IGF2BP3: variants seen among roughly 807,000 people sequenced by gnomAD.
IGF2BP3 encodes the protein insulin like growth factor 2 mRNA binding protein 3.
IGF2BP3 carries 9 observed loss-of-function variants against 73.8 expected under a neutral mutation model. The observed-to-expected ratio is 0.12, with a 90% CI of 0.07 to 0.21. IGF2BP3 has a LOEUF of 0.21. Among genes scored for constraint, IGF2BP3 ranks in the 10% least tolerant of loss-of-function variants. IGF2BP3 has a pLI of 1.00. For synonymous variants in IGF2BP3, 258 were observed against 256.7 expected (o/e 1.01, Z -0.05); for missense variants, 542 against 714.0 (o/e 0.76, Z 2.75).
intron 2 of IGF2BP3, among the ~76,000 whole-genome samples, chr7:23,444,971 T>C (rs1313803685): frequency 6.6e-6 from 1 of 152,068 alleles, no homozygotes; most frequent in Non-Finnish European, 1.5e-5. Context: ...GGTGGAAGGA[T>C]TACTTCCATC....
chr7:23,341,661 CTG>C (rs1007435700), intron 10 of IGF2BP3, among the ~76,000 whole-genome samples: 16 of 151,786 alleles, frequency 1.1e-4, no homozygotes, highest in African/African-American at 3.9e-4. Flanking sequence ...AAGAGTGGGA[CTG>C]TGTCTCCAAA....
intron 5 of IGF2BP3, among the ~76,000 whole-genome samples, chr7:23,353,903 G>A (rs1014041139): frequency 3.9e-5 from 6 of 152,214 alleles, no homozygotes; most frequent in Non-Finnish European, 8.8e-5. Context: ...GACGACAGCT[G>A]ATATATTTTA....
At chr7:23,422,776 T>C (rs1446847629) in intron 2 of IGF2BP3, among the ~76,000 whole-genome samples, 1 of 152,202 alleles carries the variant, frequency 6.6e-6, no homozygotes, top group African/African-American at 2.4e-5. Context: ...TAGACAAACA[T>C]CTGAGTTATT....
intron 3 of IGF2BP3, among the ~76,000 whole-genome samples, chr7:23,394,399 C>T (rs1225735794): frequency 1.3e-5 from 2 of 151,986 alleles, no homozygotes; most frequent in Non-Finnish European, 2.9e-5. Context: ...CCTGGAAGGT[C>T]GAGGCTGCAG....
At chr7:23,379,443 A>G (rs1043871771) in intron 3 of IGF2BP3, among the ~76,000 whole-genome samples, 8 of 152,314 alleles carry the variant, frequency 5.3e-5, no homozygotes, top group African/African-American at 1.7e-4. Context: ...TGTTGTTTAG[A>G]AAATATTTGG....
intron 3 of IGF2BP3, among the ~76,000 whole-genome samples, chr7:23,363,606 T>C (rs531566536): frequency 6.6e-6 from 1 of 152,342 alleles, no homozygotes; most frequent in East Asian, 1.9e-4. Flanking sequence ...TATTTTTATT[T>C]GGTAAATTTC....
intron 3 of IGF2BP3, among the ~76,000 whole-genome samples, chr7:23,366,885 T>C (rs1785388614): frequency 1.3e-5 from 2 of 152,152 alleles, no homozygotes; most frequent in Admixed American, 6.5e-5. Flanking sequence ...TATTTGAATA[T>C]GCTCTTTTAT....
intron 3 of IGF2BP3, among the ~76,000 whole-genome samples, chr7:23,377,858 T>TA (rs1220532836): frequency 6.6e-6 from 1 of 152,160 alleles, no homozygotes; most frequent in Non-Finnish European, 1.5e-5. Context: ...AAAGGCCACA[T>TA]ATATATGATT....
chr7:23,337,851 GT>G (rs1381751162), intron 10 of IGF2BP3, among the ~76,000 whole-genome samples: 1 of 152,092 alleles, frequency 6.6e-6, no homozygotes, highest in African/African-American at 2.4e-5. Flanking sequence ...TATCCTTCTT[GT>G]TGGCTGGAAA....
chr7:23,445,367 G>A (rs553463392), intron 2 of IGF2BP3, among the ~76,000 whole-genome samples: 3 of 149,000 alleles, frequency 2.0e-5, no homozygotes, highest in Admixed American at 6.7e-5. Context: ...TGGGTGTTTC[G>A]TATACACTAT....
At chr7:23,392,008 G>A (rs966376798) in intron 3 of IGF2BP3, among the ~76,000 whole-genome samples, 2 of 152,172 alleles carry the variant, frequency 1.3e-5, no homozygotes, top group Non-Finnish European at 2.9e-5. Context: ...GCTCTTCTAG[G>A]ATATTAATGA....
intron 3 of IGF2BP3, among the ~76,000 whole-genome samples, chr7:23,415,764 T>A (rs986353408): frequency 6.6e-6 from 1 of 152,214 alleles, no homozygotes; most frequent in African/African-American, 2.4e-5. Flanking sequence ...AAACCTCAAC[T>A]TCCTCTTTGG....
At chr7:23,451,622 A>C (rs1165332466) in intron 2 of IGF2BP3, among the ~76,000 whole-genome samples, 1 of 152,070 alleles carries the variant, frequency 6.6e-6, no homozygotes, top group Non-Finnish European at 1.5e-5. Context: ...GACCTCTATC[A>C]TTCCTTATAA....
chr7:23,358,752 A>T (rs1348089155), intron 5 of IGF2BP3, among the ~76,000 whole-genome samples: 2 of 152,214 alleles, frequency 1.3e-5, no homozygotes, highest in African/African-American at 4.8e-5. Context: ...TAGAAAACTG[A>T]TAATTTTTTT....
chr7:23,466,767 A>G (rs957919721), intron 2 of IGF2BP3, among the ~76,000 whole-genome samples: 1 of 152,232 alleles, frequency 6.6e-6, no homozygotes, highest in Non-Finnish European at 1.5e-5. Flanking sequence ...TTAGCAAAAG[A>G]AAAGCAGCAG....
chr7:23,350,803 A>T (rs1363223567), intron 6 of IGF2BP3, among the ~76,000 whole-genome samples: 5 of 152,252 alleles, frequency 3.3e-5, no homozygotes, highest in Admixed American at 3.3e-4. Context: ...AAACCATCAA[A>T]AAATATCCAG....
In IGF2BP3 at chr7:23,312,868, A is replaced by G. The variant is rs1783870474; in HGVS notation, c.1528-20T>C. 1 of 1,535,568 alleles carries G rather than the reference A, an allele frequency of 6.5e-7. No individual in the cohort carries two copies. The highest frequency in any genetic ancestry group is 9.0e-7 in the Non-Finnish European group (1 of 1,117,032). On this transcript the variant is annotated intron_variant, in intron 13 of 14. Transcript: ENST00000258729. ...ATTCACCTGAAAGAGATAAATATAA[A>G]TCACATTAAGTGGCAGTTTTAAAAC... is the stretch of plus-strand genomic sequence containing the variant.
chr7:23,380,195 G>A (rs370573416), intron 3 of IGF2BP3, among the ~76,000 whole-genome samples: 4 of 115,370 alleles, frequency 3.5e-5, no homozygotes, highest in South Asian at 5.7e-4. Flanking sequence ...ATGGAGTCTC[G>A]CTCTGTTGCC....
At chr7:23,403,793 T>A (rs1272291290) in intron 3 of IGF2BP3, among the ~76,000 whole-genome samples, 1 of 152,014 alleles carries the variant, frequency 6.6e-6, no homozygotes, top group Non-Finnish European at 1.5e-5. Flanking sequence ...ATATCTAGGG[T>A]TGGCTCTAAG....
Sources: allele counts gnomAD v4.1 joint callset (sites outside exome capture counted in the v4.1 genomes callset), GRCh38; gene constraint gnomAD v4.1.1; transcripts MANE v1.5; gene names NCBI Gene and HGNC (gene_info 2026-07-23, HGNC 2026-07-21).